The following SEPTIN4 variants were observed in gnomAD, a reference collection of about 807,000 sequenced individuals.
SEPTIN4 encodes septin-4.
SEPTIN4 carries 52 observed loss-of-function variants against 107.1 expected under a neutral mutation model. The observed-to-expected ratio is 0.49, with a 90% CI of 0.39 to 0.61. The LOEUF (loss-of-function observed/expected upper bound fraction) is 0.61, where lower values mean the gene tolerates loss of function less well. SEPTIN4 is among the 20% of genes least tolerant of loss of function. The pLI, the probability that SEPTIN4 is intolerant of heterozygous loss-of-function variation, is 0.00. For missense variants in SEPTIN4, 1,048 were observed against 1,243.5 expected (o/e 0.84, Z 2.36); for synonymous variants, 417 against 467.0 (o/e 0.89, Z 1.38).
At position 58,542,663 on chromosome 17, in the gene SEPTIN4, G is replaced by A; in HGVS notation, c.1524C>T (p.Cys508=). Residue 508 remains cysteine, a synonymous_variant, in exon 1 of 14, where the codon TGC becomes TGT. Transcript: ENST00000672673. ...CAGTAAACCTTTGAATGGGTTGTTTGCAGGTGTGCTTGGGGGTCTGTGGCA... is the reference window on the plus strand; with the variant it reads ...CAGTAAACCTTTGAATGGGTTGTTTACAGGTGTGCTTGGGGGTCTGTGGCA... ...SEVPQTPKHT[C]KQPIQRFTAF... The A allele has an allele frequency of 1.2e-6, 2 of 1,613,942 alleles. No individual in the cohort carries two copies. The highest frequency in any genetic ancestry group is 1.7e-6 in the Non-Finnish European group (2 of 1,179,952).
chr17:58,520,666 T>C (rs1055729910), intron 13 of SEPTIN4, 77 bp downstream of exon 13: 1 of 1,588,572 alleles, frequency 6.3e-7, no homozygotes, highest in African/African-American at 1.3e-5. Flanking sequence ...GCCAGGGATC[T>C]TTCTATTACC....
At chr17:58,520,514 G>T (rs1393425190) in intron 13 of SEPTIN4, 29 bp from the exon 14 acceptor site, 1 of 1,612,796 alleles carries the variant, frequency 6.2e-7, no homozygotes, top group Middle Eastern at 1.8e-4. Flanking sequence ...TCAAAATGGG[G>T]ACTTTTGGAG....
chr17:58,521,788 A>G lies in SEPTIN4; in HGVS notation c.2417T>C (p.Leu806Pro). Residue 806 changes from leucine to proline, a missense_variant, in exon 9 of 14, where the codon CTG (leucine) becomes CCG (proline). By Grantham distance (98) the Leu-to-Pro change is moderately conservative (BLOSUM62 -3). This residue lies in a region of SEPTIN4 where 261 missense variants were observed against 371.7 expected (regional missense o/e 0.70). Coordinates refer to ENST00000672673, the MANE Select transcript of SEPTIN4 (RefSeq NM_001368771.2). The surrounding 1 kb of genome is among the most constrained non-coding windows in gnomAD (Gnocchi z 6.4). ...AGGTGTCAGTGTGTCTGCCTTAGCC[A>G]GGATAGGCACGATGTTGACCCGCTG... Reference protein sequence around the residue: ...LHQRVNIVPILAKADTLTPPE... With the variant: ...LHQRVNIVPIPAKADTLTPPE... 2 of 1,614,208 alleles carry G rather than the reference A, an allele frequency of 1.2e-6. No homozygotes were observed. Among genetic ancestry groups the G allele is most frequent in the Non-Finnish European group, 1.7e-6 (2 of 1,180,038 alleles).
Position 58,525,174 on chromosome 17 carries a change from G to C in SEPTIN4, c.2120C>G (p.Thr707Ser). The C allele has an allele frequency of 6.2e-7, 1 of 1,614,170 alleles. No individual in the cohort carries two copies. Among genetic ancestry groups the C allele is most frequent in the Non-Finnish European group, 8.5e-7 (1 of 1,180,042 alleles). ...CTCTTCTATGTCCACTGCATGCTTAGTGATCTCCACAGTTTGCATGATCCT... is the reference window on the plus strand; with the variant it reads ...CTCTTCTATGTCCACTGCATGCTTACTGATCTCCACAGTTTGCATGATCCT... ...EERIMQTVEI[T>S]KHAVDIEEKG... Residue 707 changes from threonine (T) to serine (S), a missense_variant, in exon 7 of 14, where the codon ACT becomes AGT. Thr to Ser is a moderately conservative substitution (Grantham distance 58). Around this residue, in one of 2 missense-constraint regions of SEPTIN4, gnomAD observed 787 missense variants for 871.8 expected, o/e 0.90. Coordinates refer to ENST00000672673, the MANE Select transcript of SEPTIN4 (RefSeq NM_001368771.2).
At position 58,542,685 on chromosome 17, in the gene SEPTIN4, G is replaced by A; in HGVS notation, c.1502C>T (p.Pro501Leu). The A allele has an allele frequency of 6.2e-7, 1 of 1,614,174 alleles. No homozygotes were observed. The highest frequency in any genetic ancestry group is 1.3e-5 in the African/African-American group (1 of 75,046). The part of the protein sequence containing the change: ...FPSWAPLSEV[P>L]QTPKHTCKQP... ...TTTGCAGGTGTGCTTGGGGGTCTGT[G>A]GCACTTCACTCAGTGGTGCCCAACT... The change falls in exon 1 of 14, where the codon CCA (proline) becomes CTA (leucine). Residue 501 changes from proline (P) to leucine (L), a missense_variant. Pro to Leu is a moderately conservative substitution (Grantham distance 98, BLOSUM62 -3). Around this residue, in one of 2 missense-constraint regions of SEPTIN4, gnomAD observed 787 missense variants for 871.8 expected, o/e 0.90. Transcript: ENST00000672673.
chr17:58,520,527 TC>T, intron 13 of SEPTIN4, 42 bp from the exon 14 acceptor site: 2 of 1,609,776 alleles, frequency 1.2e-6, no homozygotes, highest in Non-Finnish European at 1.7e-6. Flanking sequence ...TTTTGGAGAG[TC>T]CTTTAGTATT....
intron 3 of SEPTIN4, chr17:58,531,873 C>T (rs1236089388): frequency 2.8e-6 from 3 of 1,089,330 alleles, no homozygotes; most frequent in East Asian, 5.5e-5. Context: ...GCTGCGGTGC[C>T]GCGGGTCCCC....
In SEPTIN4 at chr17:58,538,663, C is replaced by T. The variant is rs1308578730; in HGVS notation, c.1614+2003G>A. ...AAAAAAACCCATCAGGAATGCTTCC[C>T]TTAGTCCAGCATAACCTCCTCTGGG... On this transcript the variant is annotated intron_variant, in intron 3 of 13. Transcript: ENST00000672673. The surrounding 1 kb of genome is among the most constrained non-coding windows in gnomAD (Gnocchi z 4.7). Among the ~76,000 whole-genome samples the T allele has an allele frequency of 6.6e-6, 1 of 152,164 alleles. No individual in the cohort carries two copies. Among genetic ancestry groups the T allele is most frequent in the East Asian group, 1.9e-4 (1 of 5,200 alleles).
chr17:58,537,276 C>A (rs1389954658), intron 3 of SEPTIN4, among the ~76,000 whole-genome samples: 2 of 152,216 alleles, frequency 1.3e-5, no homozygotes, highest in Non-Finnish European at 2.9e-5. Flanking sequence ...AGGTGACCAC[C>A]TGTCCTGGTC....
Position 58,543,983 on chromosome 17 carries a change from A to G in SEPTIN4, c.204T>C (p.Pro68=). The G allele has an allele frequency of 6.2e-7, 1 of 1,613,790 alleles. No homozygotes were observed. The highest frequency in any genetic ancestry group is 2.2e-5 in the East Asian group (1 of 44,854). The change falls in exon 1 of 14, where the codon CCT becomes CCC. Residue 68 remains proline (P), a synonymous_variant. Transcript: ENST00000672673. ...GTCCTGACTGGAGGGAGACAGATCG[A>G]GGGTAGTCTGATGCTGAATGGGGAG... is the stretch of plus-strand genomic sequence containing the variant. The part of the protein sequence containing the change: ...PTTPHSASDY[P]RSVSLQSGPG...
chr17:58,522,116 G>A lies in SEPTIN4; in HGVS notation c.2217-15C>T, dbSNP rs774816853. 6.2e-7 allele frequency: 1 copy of A among 1,613,926 alleles called. No homozygotes were observed. The highest frequency in any genetic ancestry group is 8.5e-7 in the Non-Finnish European group (1 of 1,179,914). On this transcript the variant is annotated splice_polypyrimidine_tract_variant and intron_variant, in intron 7 of 13. Transcript: ENST00000672673. ...CAGGCTTCCAGCTGGGGCAGGGACA[G>A]ACAAGCAGAGAAACTGTGAGAGTGG...
chr17:58,526,127 C>A, intron 5 of SEPTIN4, 93 bp downstream of exon 5: 1 of 1,338,236 alleles, frequency 7.5e-7, no homozygotes. Flanking sequence ...GCTGCTTGCT[C>A]CCTGCGACCT....
chr17:58,522,110 GGGACA>G lies in SEPTIN4; in HGVS notation c.2217-14_2217-10del. 1 of 1,614,088 alleles carries G rather than the reference GGGACA, an allele frequency of 6.2e-7. No homozygotes were observed. The highest frequency in any genetic ancestry group is 2.2e-5 in the East Asian group (1 of 44,882). On this transcript the variant is annotated splice_polypyrimidine_tract_variant and intron_variant, in intron 7 of 13. Coordinates refer to ENST00000672673, the MANE Select transcript of SEPTIN4 (RefSeq NM_001368771.2). ...CTGCCACAGGCTTCCAGCTGGGGCAGGGACAGACAAGCAGAGAAACTGTGAGAGTG... is the reference window on the plus strand; with the variant it reads ...CTGCCACAGGCTTCCAGCTGGGGCAGGACAAGCAGAGAAACTGTGAGAGTG...
chr17:58,539,050 C>T (rs760827428), intron 3 of SEPTIN4: 79 of 1,140,686 alleles, frequency 6.9e-5, no homozygotes, highest in Non-Finnish European at 8.9e-5. Flanking sequence ...AGGGACAGGC[C>T]GGGGAGAGCC....
rs777533218 is a variant in SEPTIN4, at chr17:58,541,844, T to A, written c.1606+78A>T. ...CTCCTAAACGACCCAGCTCTGTAGA[T>A]ACATAGATGCCACTCCTCACCTGTC... On this transcript the variant is annotated intron_variant, in intron 2 of 13. Coordinates refer to ENST00000672673, the MANE Select transcript of SEPTIN4 (RefSeq NM_001368771.2). 5.6e-6 allele frequency: 9 copies of A among 1,613,968 alleles called. No homozygotes were observed. The African/African-American group carries it at 8.0e-5, about 14-fold the overall frequency.
chr17:58,520,732 A>G lies in SEPTIN4; in HGVS notation c.2931+11T>C. ...ACAGGAGACCTCCCCTATACCCCAT[A>G]CTGCTCTCACCTCCTCATCTTTCTC... is the stretch of plus-strand genomic sequence containing the variant. On this transcript the variant is annotated intron_variant, in intron 13 of 13. Transcript: ENST00000672673. The G allele has an allele frequency of 1.2e-6, 2 of 1,613,926 alleles. No homozygotes were observed. The highest frequency in any genetic ancestry group is 8.5e-7 in the Non-Finnish European group (1 of 1,179,988).
chr17:58,536,902 G>C (rs954154001), intron 3 of SEPTIN4, among the ~76,000 whole-genome samples: 1 of 152,194 alleles, frequency 6.6e-6, no homozygotes, highest in African/African-American at 2.4e-5. Flanking sequence ...CTGAAGCCAA[G>C]CTCCCTAATC....
Position 58,521,312 on chromosome 17 carries a change from T to C in SEPTIN4, c.2610A>G (p.Val870=). 1.2e-6 allele frequency: 2 copies of C among 1,614,198 alleles called. No homozygotes were observed. Among genetic ancestry groups the C allele is most frequent in the Non-Finnish European group, 1.7e-6 (2 of 1,180,024 alleles). The change falls in exon 11 of 14, where the codon GTA becomes GTG. Residue 870 remains valine (V), a synonymous_variant. Transcript: ENST00000672673. This position sits in a 1 kb window ranked among gnomAD's most constrained non-coding sequence, Gnocchi z 6.4. The part of the protein sequence containing the change: ...IPFAVIGSNT[V]VEARGRRVRG... ...GAACTCGCCGCCCTCTGGCCTCTAC[T>C]ACAGTGTTGCTGCCAATTACTGCAA...
intron 4 of SEPTIN4, 138 bp downstream of exon 4, chr17:58,526,544 G>A (rs2042896308): frequency 7.1e-7 from 1 of 1,403,664 alleles, no homozygotes; most frequent in Non-Finnish European, 9.2e-7. Context: ...ACACAGGACT[G>A]AAATAGGTCC....
Sources: allele counts gnomAD v4.1 joint callset (sites outside exome capture counted in the v4.1 genomes callset), GRCh38; gene constraint gnomAD v4.1.1; regional missense constraint gnomAD v4.1.1; non-coding constraint Gnocchi (gnomAD v3.1); transcripts MANE v1.5; gene names NCBI Gene and HGNC (gene_info 2026-07-23, HGNC 2026-07-21).